ANK2: variants seen among roughly 807,000 people sequenced by gnomAD.
ANK2 encodes ankyrin-2.
Under a neutral mutation model 360.5 loss-of-function variants are expected in ANK2, and 83 were observed. The ratio of observed to expected loss-of-function variants is 0.23; its 90% CI spans 0.19 to 0.28. The LOEUF (loss-of-function observed/expected upper bound fraction) is 0.28. ANK2 is among the 10% of genes least tolerant of loss of function. ANK2 has a pLI of 1.00. For missense variants in ANK2, 4,201 were observed against 4,795.7 expected (o/e 0.88, Z 3.66); for synonymous variants, 1,740 against 1,759.5 (o/e 0.99, Z 0.28).
At chr4:112,710,559 T>G in the ANK2 span, among the ~76,000 whole-genome samples, 1 of 151,876 alleles carries the variant, frequency 6.6e-6, no homozygotes, top group Non-Finnish European at 1.5e-5. Flanking sequence ...TTAGCTGGGC[T>G]TGGTGGCGGG....
chr4:113,117,487 C>T (rs929990539), intron 1 of ANK2: 1 of 442,372 alleles, frequency 2.3e-6, no homozygotes, highest in Non-Finnish European at 4.6e-6. Flanking sequence ...TCAGAACTGG[C>T]AACTTCATCC....
At chr4:113,194,027 T>C (rs781075936) in intron 2 of ANK2, among the ~76,000 whole-genome samples, 13 of 152,176 alleles carry the variant, frequency 8.5e-5, no homozygotes, top group African/African-American at 2.4e-4. Context: ...TACTGTGTAG[T>C]TGATTTTCAG....
At chr4:113,084,528 A>G (rs7677104) in intron 1 of ANK2, among the ~76,000 whole-genome samples, 29,355 of 152,250 alleles carry the variant, frequency 0.19, 3,763 homozygotes, top group Non-Finnish European at 0.29. Context: ...CATCAAGTAG[A>G]GTCCCATTTA....
At chr4:113,380,158 G>A (rs189047895) in intron 45 of ANK2, among the ~76,000 whole-genome samples, 212 of 152,000 alleles carry the variant, frequency 1.4e-3, no homozygotes, top group African/African-American at 4.7e-3. Context: ...ATGAGGACCC[G>A]CATTTGGAAG....
At chr4:112,872,493 A>T (rs2073522415) in intron 1 of ANK2, among the ~76,000 whole-genome samples, 1 of 152,024 alleles carries the variant, frequency 6.6e-6, no homozygotes, top group Non-Finnish European at 1.5e-5. Flanking sequence ...ATGCGCCATC[A>T]CGCCTGGCTA....
chr4:113,065,548 C>G (rs1230573623), intron 1 of ANK2, among the ~76,000 whole-genome samples: 1 of 152,116 alleles, frequency 6.6e-6, no homozygotes, highest in South Asian at 2.1e-4. Context: ...GAATCATGTA[C>G]GTAGTTAGTG....
chr4:112,883,092 G>A (rs568067296), intron 1 of ANK2, among the ~76,000 whole-genome samples: 1 of 128,204 alleles, frequency 7.8e-6, no homozygotes. Flanking sequence ...AGGCTGGAGT[G>A]CAGTGGTGCG....
Position 113,356,802 on chromosome 4 carries a change from A to G in ANK2, c.8184A>G (p.Glu2728=), listed in dbSNP as rs778110477. ...TCAAGATGAATGAAGATACTCAGGAAGAGCCAGGCAAATCAGAAGAAGAAA... is the reference window on the plus strand; with the variant it reads ...TCAAGATGAATGAAGATACTCAGGAGGAGCCAGGCAAATCAGAAGAAGAAA... ...YTFKMNEDTQ[E]EPGKSEEEKD... is the part of the protein sequence containing the mutation. The change falls in exon 38 of 46, where the codon GAA becomes GAG. Residue 2728 remains glutamate (E), a synonymous_variant. Coordinates refer to ENST00000357077, the MANE Select transcript of ANK2 (RefSeq NM_001148.6). The G allele has an allele frequency of 1.2e-6, 2 of 1,614,020 alleles. No individual in the cohort carries two copies. Among genetic ancestry groups the G allele is most frequent in the Admixed American group, 1.7e-5 (1 of 60,002 alleles).
chr4:112,892,343 C>T (rs1024398762), intron 1 of ANK2, among the ~76,000 whole-genome samples: 29 of 152,184 alleles, frequency 1.9e-4, no homozygotes, highest in African/African-American at 7.0e-4. Context: ...GGTAAGTCCC[C>T]TGGGCAAGCA....
intron 1 of ANK2, among the ~76,000 whole-genome samples, chr4:113,162,731 GT>G (rs11348131): frequency 0.44 from 58,319 of 133,018 alleles, 12,250 homozygotes; most frequent in Non-Finnish European, 0.47. Flanking sequence ...GTAGCTAAAG[GT>G]TTTTTTTTTT....
chr4:112,891,506 A>C (rs552897773), intron 1 of ANK2, among the ~76,000 whole-genome samples: 1 of 152,262 alleles, frequency 6.6e-6, no homozygotes, highest in Non-Finnish European at 1.5e-5. Context: ...GCAAACTAGA[A>C]TCTATAAATG....
intron 1 of ANK2, among the ~76,000 whole-genome samples, chr4:113,054,438 A>T (rs369699169): frequency 6.6e-6 from 1 of 152,180 alleles, no homozygotes; most frequent in Non-Finnish European, 1.5e-5. Context: ...AGAAATGTGA[A>T]TGAGGTACAT....
intron 2 of ANK2, among the ~76,000 whole-genome samples, chr4:113,029,947 T>C (rs574990340): frequency 3.3e-5 from 5 of 152,154 alleles, no homozygotes; most frequent in African/African-American, 7.2e-5. Context: ...CTATTTGACA[T>C]TGGAATGTAT....
At chr4:113,057,208 T>G (rs1265992991) in intron 1 of ANK2, among the ~76,000 whole-genome samples, 1 of 152,146 alleles carries the variant, frequency 6.6e-6, no homozygotes, top group African/African-American at 2.4e-5. Context: ...ATAGGTATAC[T>G]CACACATATT....
chr4:112,992,346 G>T (rs1342123008), intron 2 of ANK2, among the ~76,000 whole-genome samples: 4 of 152,072 alleles, frequency 2.6e-5, no homozygotes, highest in African/African-American at 7.2e-5. Context: ...GTTTCACCAT[G>T]TTGGGCAGGC....
intron 2 of ANK2, among the ~76,000 whole-genome samples, chr4:113,014,687 T>G (rs2055937213): frequency 1.3e-5 from 2 of 152,164 alleles, no homozygotes; most frequent in Admixed American, 1.3e-4. Flanking sequence ...ACTATCTTTC[T>G]CAAACTCCAT....
upstream of ANK2, among the ~76,000 whole-genome samples, chr4:112,813,751 G>A (rs1413987058): frequency 1.3e-5 from 2 of 152,044 alleles, no homozygotes; most frequent in African/African-American, 2.4e-5. Flanking sequence ...GCCTAGGCTG[G>A]TCTCAAACTC....
intron 1 of ANK2, among the ~76,000 whole-genome samples, chr4:112,865,222 C>T (rs2070028227): frequency 6.6e-6 from 1 of 151,996 alleles, no homozygotes; most frequent in South Asian, 2.1e-4. Context: ...TCACCATCTT[C>T]TCTAGTACAA....
intron 1 of ANK2, among the ~76,000 whole-genome samples, chr4:113,163,764 CAAAAAAAAAAAAAAAAAAA>C (rs1158530849): frequency 1.8e-5 from 1 of 55,046 alleles, no homozygotes; most frequent in South Asian, 7.2e-4. Flanking sequence ...AACTTCGTCT[CAAAAAAAAAAAAAAAAAAA>C]AAAAAAAAAG....
Sources: allele counts gnomAD v4.1 joint callset (sites outside exome capture counted in the v4.1 genomes callset), GRCh38; gene constraint gnomAD v4.1.1; transcripts MANE v1.5; gene names NCBI Gene and HGNC (gene_info 2026-07-23, HGNC 2026-07-21).